Variants in CALN1 observed in about 807,000 individuals in gnomAD.
CALN1 encodes the protein calneuron 1, also known as calcium-binding protein 8.
CALN1 carries 17 observed loss-of-function variants against 30.6 expected under a neutral mutation model. The ratio of observed to expected loss-of-function variants is 0.56; its 90% CI spans 0.38 to 0.83. The LOEUF is 0.83. Among genes scored for constraint, CALN1 ranks in the 40% least tolerant of loss-of-function variants. The probability of loss-of-function intolerance (pLI) is 0.00; values close to 1 mark genes in which losing one functional copy is unlikely to be tolerated. For synonymous variants in CALN1, 156 were observed against 131.4 expected (o/e 1.19, Z -1.28); for missense variants, 291 against 354.9 (o/e 0.82, Z 1.45).
intron 3 of CALN1, among the ~76,000 whole-genome samples, chr7:72,223,579 G>T (rs1793458451): frequency 6.6e-6 from 1 of 152,136 alleles, no homozygotes; most frequent in African/African-American, 2.4e-5. Context: ...TCATAGGCCT[G>T]ATGTGGTCCC....
intron 4 of CALN1, among the ~76,000 whole-genome samples, chr7:72,048,843 C>A (rs890271605): frequency 6.6e-6 from 1 of 151,730 alleles, no homozygotes; most frequent in African/African-American, 2.4e-5. Flanking sequence ...CACTGTGTTG[C>A]CCAGGCTGGA....
chr7:72,364,001 T>C lies in CALN1; in HGVS notation c.119+39250A>G, dbSNP rs1418006862. 9.2e-5 allele frequency among the ~76,000 whole-genome samples: 14 copies of C among 152,198 alleles called. No individual in the cohort carries two copies. In the East Asian group the frequency reaches 9.7e-4, roughly 11 times the overall value. On this transcript the variant is annotated intron_variant, in intron 2 of 6. Transcript: ENST00000395275. The stretch of plus-strand genomic sequence containing the variant: ...CTGCCTGTCTCAGTCTCTCAAAGTG[T>C]TGGGATTACAGGCGTGAGCCACGGT...
intron 2 of CALN1, among the ~76,000 whole-genome samples, chr7:72,387,278 G>GAGGA: frequency 3.4e-5 from 2 of 58,440 alleles, no homozygotes; most frequent in Non-Finnish European, 7.1e-5. Flanking sequence ...GGGAGGAAGG[G>GAGGA]AGGGAGGGAG....
At chr7:72,148,131 A>G (rs1228879704) in intron 3 of CALN1, among the ~76,000 whole-genome samples, 4 of 144,452 alleles carry the variant, frequency 2.8e-5, no homozygotes, top group African/African-American at 1.0e-4. Context: ...CCAACCAACC[A>G]AACAAACAAA....
chr7:72,389,187 G>A (rs1309237356), intron 2 of CALN1, among the ~76,000 whole-genome samples: 1 of 151,714 alleles, frequency 6.6e-6, no homozygotes, highest in Admixed American at 6.6e-5. Flanking sequence ...AGGAGCCCCT[G>A]TCCCTGGTAT....
At chr7:72,051,942 C>T (rs922403165) in intron 4 of CALN1, among the ~76,000 whole-genome samples, 3 of 152,142 alleles carry the variant, frequency 2.0e-5, no homozygotes, top group East Asian at 1.9e-4. Flanking sequence ...TTCTCCTACA[C>T]CAGAGGAATT....
intron 5 of CALN1, among the ~76,000 whole-genome samples, chr7:71,832,476 A>G (rs891942244): frequency 2.0e-5 from 3 of 152,206 alleles, no homozygotes; most frequent in Non-Finnish European, 2.9e-5. Context: ...AGGGACTGTG[A>G]CTTTTGTAGA....
intron 5 of CALN1, among the ~76,000 whole-genome samples, chr7:72,013,702 G>T (rs1290992175): frequency 6.6e-6 from 1 of 151,730 alleles, no homozygotes; most frequent in East Asian, 1.9e-4. Context: ...GACTATAAAT[G>T]GATGCATAAT....
chr7:71,831,894 A>AC (rs1323796748), intron 5 of CALN1, among the ~76,000 whole-genome samples: 1 of 150,136 alleles, frequency 6.7e-6, no homozygotes, highest in African/African-American at 2.4e-5. Flanking sequence ...AAAAAAAAAA[A>AC]AAACAAACCA....
rs574852266 is a variant in CALN1, at chr7:71,924,054, A to G, written c.501+99603T>C. Among the ~76,000 whole-genome samples, 5 of 152,216 alleles carry G rather than the reference A, an allele frequency of 3.3e-5. No individual in the cohort carries two copies. In the South Asian group the frequency reaches 1.0e-3, roughly 32 times the overall value. ...CTAAAAATACAAAAATTAGCCAGGC[A>G]TGGTGGCGGCCACCTGTAATCCCAG... is the stretch of plus-strand genomic sequence containing the variant. On this transcript the variant is annotated intron_variant, in intron 5 of 6. Transcript: ENST00000395275.
At chr7:72,423,216 C>T (rs905381210) in intron 1 of CALN1, among the ~76,000 whole-genome samples, 1 of 151,914 alleles carries the variant, frequency 6.6e-6, no homozygotes, top group African/African-American at 2.4e-5. Flanking sequence ...AGAACTTGTA[C>T]TATTGTATTT....
At position 71,919,142 on chromosome 7, in the gene CALN1, C is replaced by T. The variant is rs144929021; in HGVS notation, c.501+104515G>A. Among the ~76,000 whole-genome samples, 1,331 of 152,264 alleles carry T rather than the reference C, an allele frequency of 8.7e-3. 23 individuals carry two copies. Among genetic ancestry groups the T allele is most frequent in the African/African-American group, 0.03 (1,248 of 41,542 alleles). ...GTCTTTGCCATCACCACCTAATGCC[C>T]GATGCTGCCACGCTTCTTAACAGGC... is the stretch of plus-strand genomic sequence containing the variant. On this transcript the variant is annotated intron_variant, in intron 5 of 6. Coordinates refer to ENST00000395275, the MANE Select transcript of CALN1 (RefSeq NM_031468.4).
At chr7:72,396,515 G>A (rs762001645) in intron 2 of CALN1, among the ~76,000 whole-genome samples, 2 of 152,028 alleles carry the variant, frequency 1.3e-5, no homozygotes, top group African/African-American at 2.4e-5. Context: ...TGAATAGGAC[G>A]GAGGAGGTAT....
intron 4 of CALN1, among the ~76,000 whole-genome samples, chr7:72,059,517 G>T (rs1157965085): frequency 6.6e-6 from 1 of 152,148 alleles, no homozygotes; most frequent in Non-Finnish European, 1.5e-5. Context: ...AAACTACTTG[G>T]AAATTACCTT....
intron 3 of CALN1, among the ~76,000 whole-genome samples, chr7:72,218,726 G>C (rs1393149466): frequency 6.6e-6 from 1 of 152,220 alleles, no homozygotes; most frequent in East Asian, 1.9e-4. Flanking sequence ...CCCTGGGAGA[G>C]TAGGGACTAG....
chr7:72,138,191 C>T (rs998750550), intron 3 of CALN1, among the ~76,000 whole-genome samples: 1 of 151,784 alleles, frequency 6.6e-6, no homozygotes, highest in African/African-American at 2.4e-5. Context: ...AAACATGTGC[C>T]TAAGGGAAAA....
chr7:72,000,218 A>T (rs1315366395), intron 5 of CALN1, among the ~76,000 whole-genome samples: 1 of 152,182 alleles, frequency 6.6e-6, no homozygotes, highest in African/African-American at 2.4e-5. Flanking sequence ...GAAAAATAAG[A>T]GAAAAATCAT....
At chr7:72,122,224 C>T (rs1429390136) in intron 3 of CALN1, among the ~76,000 whole-genome samples, 30 of 152,144 alleles carry the variant, frequency 2.0e-4, no homozygotes, top group Non-Finnish European at 2.9e-5. Context: ...TTAGATCACA[C>T]TGTTCCTAAG....
chr7:72,164,349 C>CAA (rs71531792), intron 3 of CALN1, among the ~76,000 whole-genome samples: 17 of 117,368 alleles, frequency 1.4e-4, no homozygotes, highest in East Asian at 5.5e-4. Flanking sequence ...AACACTCCGT[C>CAA]AAAAAAAAAA....
Sources: allele counts gnomAD v4.1 joint callset (sites outside exome capture counted in the v4.1 genomes callset), GRCh38; gene constraint gnomAD v4.1.1; transcripts MANE v1.5; gene names NCBI Gene and HGNC (gene_info 2026-07-23, HGNC 2026-07-21).